Variants in LRGUK observed in about 807,000 individuals in gnomAD.
LRGUK encodes the protein leucine-rich repeat and guanylate kinase domain-containing protein.
Under a neutral mutation model 76.0 loss-of-function variants are expected in LRGUK, and 65 were observed. That is an observed-to-expected ratio of 0.85 (90% CI 0.70 to 1.05). LRGUK has a LOEUF of 1.05. LRGUK is among the 50% of genes least tolerant of loss of function. The pLI is 0.00. For synonymous variants in LRGUK, 268 were observed against 265.6 expected (o/e 1.01, Z -0.09); for missense variants, 758 against 732.8 (o/e 1.03, Z -0.40).
intron 16 of LRGUK, among the ~76,000 whole-genome samples, chr7:134,246,954 A>G (rs2117204424): frequency 6.6e-6 from 1 of 152,320 alleles, no homozygotes; most frequent in African/African-American, 2.4e-5. Context: ...TATTTATAAA[A>G]CAACATGTGC....
intron 4 of LRGUK, among the ~76,000 whole-genome samples, chr7:134,147,847 G>A (rs561908097): frequency 6.6e-6 from 1 of 152,068 alleles, no homozygotes; most frequent in Admixed American, 6.5e-5. Context: ...GGATCATGAG[G>A]TCAGGAGATC....
chr7:134,158,117 A>C, exon 6 of LRGUK: 1 of 1,613,134 alleles, frequency 6.2e-7, no homozygotes, highest in Non-Finnish European at 8.5e-7. Flanking sequence ...AGATCACGAC[A>C]ATTAATGGCT....
At chr7:134,238,337 T>C (rs1802060896) in intron 16 of LRGUK, among the ~76,000 whole-genome samples, 1 of 152,234 alleles carries the variant, frequency 6.6e-6, no homozygotes, top group South Asian at 2.1e-4. Flanking sequence ...CCTTGTTTTG[T>C]TTATTTTGTC....
exon 3 of LRGUK, chr7:134,139,494 A>G: frequency 1.2e-6 from 2 of 1,607,982 alleles, no homozygotes; most frequent in Non-Finnish European, 1.7e-6. Flanking sequence ...CAGAAGTTGG[A>G]TCTTTCAGCG....
At chr7:134,218,747 G>C (rs1801502052) in intron 15 of LRGUK, among the ~76,000 whole-genome samples, 1 of 151,984 alleles carries the variant, frequency 6.6e-6, no homozygotes, top group African/African-American at 2.4e-5. Context: ...TTGTTGTTTA[G>C]GTTGGATTTT....
At chr7:134,131,137 T>C (rs1563132352) in intron 1 of LRGUK, among the ~76,000 whole-genome samples, 2 of 152,150 alleles carry the variant, frequency 1.3e-5, no homozygotes, top group African/African-American at 2.4e-5. Flanking sequence ...GCCCAAAAAT[T>C]GATGCATGAA....
chr7:134,220,295 A>C (rs1044715337), intron 15 of LRGUK, among the ~76,000 whole-genome samples: 3 of 152,204 alleles, frequency 2.0e-5, no homozygotes, highest in African/African-American at 7.2e-5. Context: ...CTTTCTCAAG[A>C]CAGGGGCTAG....
chr7:134,228,930 A>C (rs1801825077), intron 16 of LRGUK, among the ~76,000 whole-genome samples: 1 of 152,250 alleles, frequency 6.6e-6, no homozygotes, highest in South Asian at 2.1e-4. Context: ...CAGAGGTCAT[A>C]GCCAGTGCAA....
chr7:134,208,836 A>C (rs1223616166), exon 16 of LRGUK: 1 of 398,922 alleles, frequency 2.5e-6, no homozygotes, highest in East Asian at 3.6e-5. Context: ...ATTCATGCCA[A>C]GGACCTAGAA....
intron 10 of LRGUK, among the ~76,000 whole-genome samples, chr7:134,181,858 A>G (rs1355138568): frequency 2.0e-5 from 3 of 152,166 alleles, no homozygotes; most frequent in Admixed American, 2.0e-4. Flanking sequence ...CCAGTTTTGC[A>G]TGTGCTCTTT....
chr7:134,137,927 G>A (rs1585418331), intron 2 of LRGUK, among the ~76,000 whole-genome samples: 1 of 152,004 alleles, frequency 6.6e-6, no homozygotes, highest in East Asian at 1.9e-4. Flanking sequence ...TTCACTATAA[G>A]CCTGTTCTAT....
At chr7:134,205,998 G>A (rs1222414) in intron 15 of LRGUK, among the ~76,000 whole-genome samples, 150,311 of 152,344 alleles carry the variant, frequency 0.99, 74,183 homozygotes, top group Middle Eastern at 1. Context: ...ATAACTAAGA[G>A]TACAAGCTGA....
intron 1 of LRGUK, among the ~76,000 whole-genome samples, chr7:134,135,365 C>T (rs1385125925): frequency 2.0e-5 from 3 of 152,076 alleles, no homozygotes; most frequent in Non-Finnish European, 4.4e-5. Context: ...CGGAGGGGGG[C>T]AAATTTAGGA....
chr7:134,192,323 C>G (rs1261589520), intron 12 of LRGUK, among the ~76,000 whole-genome samples: 1 of 152,218 alleles, frequency 6.6e-6, no homozygotes. Flanking sequence ...AAGCAGTTCA[C>G]TAATGCAGAT....
chr7:134,187,125 C>T (rs564284783), intron 11 of LRGUK, among the ~76,000 whole-genome samples: 56 of 151,936 alleles, frequency 3.7e-4, no homozygotes, highest in Middle Eastern at 6.8e-3. Context: ...TTACTTTATC[C>T]ATTGAGAAAG....
At chr7:134,262,853 C>T (rs1260564084) in intron 19 of LRGUK, among the ~76,000 whole-genome samples, 3 of 151,714 alleles carry the variant, frequency 2.0e-5, no homozygotes, top group Admixed American at 6.6e-5. Flanking sequence ...TGCCTGTAAT[C>T]CCAGCTACTT....
At chr7:134,171,959 A>T (rs1799272812) in intron 7 of LRGUK, among the ~76,000 whole-genome samples, 1 of 151,940 alleles carries the variant, frequency 6.6e-6, no homozygotes, top group Non-Finnish European at 1.5e-5. Context: ...AAGCCAGGCC[A>T]CCCCATACCT....
intron 13 of LRGUK, 82 bp from the exon 14 acceptor site, chr7:134,199,138 T>G: frequency 2.9e-6 from 3 of 1,028,986 alleles, no homozygotes; most frequent in Non-Finnish European, 4.5e-6. Context: ...CTACTTCTTA[T>G]ACCCATGTTG....
chr7:134,150,644 A>C (rs896995901), intron 5 of LRGUK, among the ~76,000 whole-genome samples: 2 of 152,164 alleles, frequency 1.3e-5, no homozygotes, highest in Non-Finnish European at 2.9e-5. Flanking sequence ...CCCCAGAAAA[A>C]CATTCTATGT....
Sources: gnomAD v4.1 joint callset for allele counts (sites outside exome capture counted in the v4.1 genomes callset) on GRCh38, gnomAD v4.1.1 for gene constraint, MANE v1.5 for transcripts, NCBI Gene and HGNC (gene_info 2026-07-23, HGNC 2026-07-21) for gene names.